CNTNAP2: variants seen among roughly 807,000 people sequenced by gnomAD.
The protein encoded by CNTNAP2 is contactin associated protein 2.
CNTNAP2 carries 98 observed loss-of-function variants against 155.2 expected under a neutral mutation model. The observed-to-expected ratio is 0.63, with a 90% CI of 0.54 to 0.75. The LOEUF (loss-of-function observed/expected upper bound fraction) is 0.75, where lower values mean the gene tolerates loss of function less well. Among genes scored for constraint, CNTNAP2 ranks in the 30% least tolerant of loss-of-function variants. CNTNAP2 has a pLI of 0.00. For synonymous variants in CNTNAP2, 651 were observed against 631.2 expected, an observed-to-expected ratio of 1.03 and a Z score of -0.47; for missense variants, 1,727 against 1,688.1, an observed-to-expected ratio of 1.02 and a Z score of -0.40.
At chr7:147,278,127 CAAAAAA>C (rs58102021) in intron 8 of CNTNAP2, among the ~76,000 whole-genome samples, 3 of 138,546 alleles carry the variant, frequency 2.2e-5, no homozygotes, top group Non-Finnish European at 3.2e-5. Context: ...GGAAACCATG[CAAAAAA>C]AAAAAAAAAA....
chr7:147,693,159 T>C (rs1411795408), intron 13 of CNTNAP2, among the ~76,000 whole-genome samples: 1 of 152,082 alleles, frequency 6.6e-6, no homozygotes, highest in Non-Finnish European at 1.5e-5. Flanking sequence ...CTTGGCTATA[T>C]TTACACAGAT....
chr7:147,496,111 T>C (rs953622497), intron 11 of CNTNAP2, among the ~76,000 whole-genome samples: 1 of 152,206 alleles, frequency 6.6e-6, no homozygotes, highest in Non-Finnish European at 1.5e-5. Flanking sequence ...GGGCTCCCAC[T>C]GATTTTACAT....
intron 1 of CNTNAP2, among the ~76,000 whole-genome samples, chr7:146,738,014 C>T (rs1335890185): frequency 1.3e-5 from 2 of 152,026 alleles, no homozygotes; most frequent in Non-Finnish European, 2.9e-5. Context: ...ATACTGATTT[C>T]ACTTCCTTTG....
At chr7:147,654,828 T>A (rs1432229469) in intron 13 of CNTNAP2, among the ~76,000 whole-genome samples, 1 of 143,094 alleles carries the variant, frequency 7.0e-6, no homozygotes, top group Non-Finnish European at 1.5e-5. Context: ...TTTTTTTTTT[T>A]TTTGAGACTG....
intron 13 of CNTNAP2, among the ~76,000 whole-genome samples, chr7:147,895,033 C>T (rs891001320): frequency 3.1e-5 from 4 of 128,666 alleles, no homozygotes; most frequent in African/African-American, 8.9e-5. Context: ...TGCAGTGGCA[C>T]AATCTCAGCT....
intron 9 of CNTNAP2, 108 bp downstream of exon 9, chr7:147,300,398 C>G (rs1218866998): frequency 8.2e-7 from 1 of 1,213,234 alleles, no homozygotes; most frequent in Non-Finnish European, 1.1e-6. Flanking sequence ...CTCAGTAGAT[C>G]TCATGACAAA....
At chr7:147,274,813 A>C (rs575007374) in intron 8 of CNTNAP2, among the ~76,000 whole-genome samples, 22 of 149,124 alleles carry the variant, frequency 1.5e-4, no homozygotes, top group African/African-American at 4.8e-4. Flanking sequence ...CAGGTCTTAC[A>C]TTCAAGTTTT....
chr7:147,446,313 T>C (rs1334617317), intron 10 of CNTNAP2, among the ~76,000 whole-genome samples: 2 of 152,130 alleles, frequency 1.3e-5, no homozygotes, highest in Non-Finnish European at 2.9e-5. Flanking sequence ...CCATTGCTTA[T>C]GTTAAGGTTT....
intron 21 of CNTNAP2, among the ~76,000 whole-genome samples, chr7:148,319,657 A>C (rs1011354016): frequency 1.3e-5 from 2 of 151,940 alleles, no homozygotes; most frequent in African/African-American, 2.4e-5. Flanking sequence ...CTAGATTCTC[A>C]TAGGAGCACA....
chr7:147,128,603 A>T, intron 6 of CNTNAP2, 90 bp from the exon 7 acceptor site: 1 of 1,441,270 alleles, frequency 6.9e-7, no homozygotes, highest in East Asian at 2.3e-5. Context: ...TGGTTGAGGT[A>T]TAGATACTTG....
chr7:148,103,332 C>T (rs1452639717), intron 15 of CNTNAP2, among the ~76,000 whole-genome samples: 1 of 151,886 alleles, frequency 6.6e-6, no homozygotes, highest in Non-Finnish European at 1.5e-5. Context: ...CCTTTCACAT[C>T]ATCCACGCAG....
chr7:147,267,888 G>A (rs982458860), intron 8 of CNTNAP2, among the ~76,000 whole-genome samples: 1 of 152,142 alleles, frequency 6.6e-6, no homozygotes, highest in African/African-American at 2.4e-5. Flanking sequence ...ACCTCATGAA[G>A]TAGAGTACAA....
intron 13 of CNTNAP2, among the ~76,000 whole-genome samples, chr7:147,861,953 G>A (rs376621755): frequency 5.1e-5 from 7 of 136,616 alleles, no homozygotes; most frequent in African/African-American, 8.3e-5. Flanking sequence ...AGCCAGGATC[G>A]TGCCATTGCA....
At chr7:147,217,321 T>A (rs1350745892) in intron 8 of CNTNAP2, among the ~76,000 whole-genome samples, 2 of 151,896 alleles carry the variant, frequency 1.3e-5, no homozygotes, top group Non-Finnish European at 2.9e-5. Flanking sequence ...TGAGGAAGTT[T>A]CCCCTTATTC....
intron 1 of CNTNAP2, among the ~76,000 whole-genome samples, chr7:146,310,525 G>T (rs1040773427): frequency 6.7e-6 from 1 of 150,088 alleles, no homozygotes; most frequent in Admixed American, 6.7e-5. Context: ...CTATTTTCCT[G>T]TTTTTTTTTC....
chr7:146,411,951 C>T (rs1795872944), intron 1 of CNTNAP2, among the ~76,000 whole-genome samples: 2 of 151,902 alleles, frequency 1.3e-5, no homozygotes, highest in Admixed American at 1.3e-4. Context: ...ATTCTCCTGC[C>T]TCAACCTCCC....
intron 9 of CNTNAP2, among the ~76,000 whole-genome samples, chr7:147,314,421 C>T (rs1213338678): frequency 7.0e-6 from 1 of 141,918 alleles, no homozygotes; most frequent in Non-Finnish European, 1.6e-5. Flanking sequence ...AAGTTAAATA[C>T]AATTAGTGCC....
chr7:146,569,174 G>A (rs995903076), intron 1 of CNTNAP2, among the ~76,000 whole-genome samples: 1 of 151,894 alleles, frequency 6.6e-6, no homozygotes, highest in Non-Finnish European at 1.5e-5. Context: ...CCACCACCAC[G>A]CCCGGCTAAT....
At position 148,283,311 on chromosome 7, in the gene CNTNAP2, G is replaced by A. The variant is rs756947951; in HGVS notation, c.3475+16185G>A. ...AGAAAGAAAGAAAGAAAGAAAGGAA[G>A]GAAGGAAGGAAAGAAAGAAAGAATT... On this transcript the variant is annotated intron_variant, in intron 21 of 23. Coordinates refer to ENST00000361727, the MANE Select transcript of CNTNAP2 (RefSeq NM_014141.6). 8.1e-4 allele frequency among the ~76,000 whole-genome samples: 47 copies of A among 58,236 alleles called. 2 individuals carry two copies. The highest frequency in any genetic ancestry group is 3.9e-3 in the African/African-American group (44 of 11,156). The allele number at this position is 58,236 out of a possible 152,430, so 38.2% of individuals were successfully genotyped here.
Sources: allele counts gnomAD v4.1 joint callset (sites outside exome capture counted in the v4.1 genomes callset), GRCh38; gene constraint gnomAD v4.1.1; transcripts MANE v1.5; gene names NCBI Gene and HGNC (gene_info 2026-07-23, HGNC 2026-07-21).